FAM135B: variants seen among roughly 807,000 people sequenced by gnomAD.
FAM135B encodes the protein family with sequence similarity 135 member B, also known as protein FAM135B.
In FAM135B, 43 loss-of-function variants were observed where a neutral mutation model predicts 127.7. The observed-to-expected ratio is 0.34, with a 90% confidence interval of 0.26 to 0.43. The LOEUF (loss-of-function observed/expected upper bound fraction) is 0.43. Among genes scored for constraint, FAM135B ranks in the 20% least tolerant of loss-of-function variants. The probability of loss-of-function intolerance (pLI) is 1.00; values close to 1 mark genes in which losing one functional copy is unlikely to be tolerated. For synonymous variants in FAM135B, 670 were observed against 665.1 expected (o/e 1.01, Z -0.11); for missense variants, 1,558 against 1,725.6 (o/e 0.90, Z 1.72).
chr8:138,460,081 C>T lies in FAM135B; in HGVS notation c.-20+36590G>A, dbSNP rs142580481. 6.0e-3 allele frequency among the ~76,000 whole-genome samples: 916 copies of T among 152,320 alleles called. 5 individuals carry two copies. Among genetic ancestry groups the T allele is most frequent in the Non-Finnish European group, 8.2e-3 (556 of 68,028 alleles). ...GTAAGGATTAACTATTGTTTCTTTG[C>T]TGTACCAATAGTTTAAGCCCTTTCT... On this transcript the variant is annotated intron_variant, in intron 1 of 19. Transcript: ENST00000395297.
chr8:138,173,651 CCAG>C (rs1443161666), intron 11 of FAM135B, among the ~76,000 whole-genome samples: 1 of 152,178 alleles, frequency 6.6e-6, no homozygotes, highest in Non-Finnish European at 1.5e-5. Context: ...TTTATTGGCA[CCAG>C]GTAAAATGCC....
In FAM135B at chr8:138,482,560, A is replaced by C. The variant is rs374724595; in HGVS notation, c.-20+14111T>G. On this transcript the variant is annotated intron_variant, in intron 1 of 19. Coordinates refer to ENST00000395297, the MANE Select transcript of FAM135B (RefSeq NM_015912.4). ...GCTGGCCCTGCAAGTTTTGTAGCCA[A>C]TCCCAGGTCCTACCTAGTAACAGTA... Among the ~76,000 whole-genome samples the C allele has an allele frequency of 6.6e-4, 100 of 152,134 alleles. 1 individual carries two copies. The South Asian group carries it at 0.02, about 31-fold the overall frequency.
At chr8:138,233,317 C>T (rs1043025594) in intron 7 of FAM135B, among the ~76,000 whole-genome samples, 3 of 152,120 alleles carry the variant, frequency 2.0e-5, no homozygotes, top group African/African-American at 7.2e-5. Context: ...GCCACTCATA[C>T]CTCAATAAAG....
chr8:138,433,668 T>C (rs998642719), intron 1 of FAM135B, among the ~76,000 whole-genome samples: 2 of 152,190 alleles, frequency 1.3e-5, no homozygotes, highest in African/African-American at 4.8e-5. Flanking sequence ...CATGGTGAGA[T>C]GATAAATCTA....
At chr8:138,273,689 C>T (rs1426854459) in intron 3 of FAM135B, among the ~76,000 whole-genome samples, 1 of 152,168 alleles carries the variant, frequency 6.6e-6, no homozygotes. Flanking sequence ...TCCGACTACA[C>T]TGGGGAGCCA....
At chr8:138,135,966 A>C (rs997024935) in intron 19 of FAM135B, among the ~76,000 whole-genome samples, 1 of 152,130 alleles carries the variant, frequency 6.6e-6, no homozygotes. Flanking sequence ...GAACACGAAA[A>C]GTAGGTAGTG....
chr8:138,442,642 TTCTGGAGAGTAG>T (rs1835871397), intron 1 of FAM135B, among the ~76,000 whole-genome samples: 1 of 151,944 alleles, frequency 6.6e-6, no homozygotes, highest in African/African-American at 2.4e-5. Context: ...ATCAAAAACA[TTCTGGAGAGTAG>T]CCAGGATGTT....
intron 12 of FAM135B, among the ~76,000 whole-genome samples, chr8:138,164,806 T>C (rs1191587451): frequency 1.3e-5 from 2 of 152,268 alleles, no homozygotes; most frequent in Non-Finnish European, 2.9e-5. Flanking sequence ...CAGGACCTCC[T>C]GAGGCTGTGT....
chr8:138,274,161 C>T (rs961315735), intron 3 of FAM135B, among the ~76,000 whole-genome samples: 6 of 152,166 alleles, frequency 3.9e-5, no homozygotes, highest in East Asian at 3.9e-4. Context: ...ATCCAATCAT[C>T]GGCACATTAT....
intron 1 of FAM135B, among the ~76,000 whole-genome samples, chr8:138,489,487 T>C (rs940288421): frequency 6.6e-6 from 1 of 152,218 alleles, no homozygotes; most frequent in Non-Finnish European, 1.5e-5. Context: ...CCAGTCTCCA[T>C]GCCTCCTGTA....
intron 1 of FAM135B, among the ~76,000 whole-genome samples, chr8:138,455,917 C>A (rs1180771976): frequency 6.6e-6 from 1 of 152,224 alleles, no homozygotes; most frequent in Non-Finnish European, 1.5e-5. Flanking sequence ...ATCAGATCTA[C>A]ACCCTCCATA....
chr8:138,150,377 T>C (rs1818020273), intron 13 of FAM135B, among the ~76,000 whole-genome samples: 1 of 152,158 alleles, frequency 6.6e-6, no homozygotes, highest in Admixed American at 6.5e-5. Context: ...TAATAAAAAT[T>C]GAACAAAATT....
chr8:138,197,141 T>C (rs374853201), intron 8 of FAM135B, among the ~76,000 whole-genome samples: 4 of 151,384 alleles, frequency 2.6e-5, no homozygotes, highest in African/African-American at 9.7e-5. Flanking sequence ...TTTATGAGGA[T>C]TGTTTTACAC....
intron 3 of FAM135B, among the ~76,000 whole-genome samples, chr8:138,280,600 A>G (rs1824190827): frequency 6.6e-6 from 1 of 152,194 alleles, no homozygotes; most frequent in South Asian, 2.1e-4. Flanking sequence ...AGAGTTCAGT[A>G]GTGCTGTGGT....
chr8:138,355,582 T>C (rs1172605566), intron 2 of FAM135B, among the ~76,000 whole-genome samples: 1 of 152,160 alleles, frequency 6.6e-6, no homozygotes, highest in Non-Finnish European at 1.5e-5. Context: ...TGCAGTTGGT[T>C]AAGAAAGTAT....
intron 2 of FAM135B, among the ~76,000 whole-genome samples, chr8:138,314,865 C>A: frequency 8.6e-6 from 1 of 115,972 alleles, no homozygotes; most frequent in South Asian, 3.0e-4. Context: ...GGTTGTCAGG[C>A]GGAGACCTTA....
chr8:138,471,384 T>C (rs958881467), intron 1 of FAM135B, among the ~76,000 whole-genome samples: 3 of 152,196 alleles, frequency 2.0e-5, no homozygotes, highest in East Asian at 3.9e-4. Flanking sequence ...AGAATATGAC[T>C]GCAATAGAGC....
At chr8:138,276,020 T>C (rs1362653585) in intron 3 of FAM135B, among the ~76,000 whole-genome samples, 2 of 152,198 alleles carry the variant, frequency 1.3e-5, no homozygotes, top group African/African-American at 4.8e-5. Flanking sequence ...TATTTCCCGC[T>C]ATGTCCTCAT....
At chr8:138,274,414 C>T (rs1391071294) in intron 3 of FAM135B, among the ~76,000 whole-genome samples, 1 of 152,152 alleles carries the variant, frequency 6.6e-6, no homozygotes, top group African/African-American at 2.4e-5. Flanking sequence ...ACATCAAGTA[C>T]TTTACAAGGT....
Sources: allele counts gnomAD v4.1 joint callset (sites outside exome capture counted in the v4.1 genomes callset), GRCh38; gene constraint gnomAD v4.1.1; transcripts MANE v1.5; gene names NCBI Gene and HGNC (gene_info 2026-07-23, HGNC 2026-07-21).